Variants in ZNF704 observed in about 807,000 individuals in gnomAD.
ZNF704 encodes the protein glucocorticoid induced gene 1.
A neutral mutation model predicts 44.7 loss-of-function variants in ZNF704; 10 were observed. The observed-to-expected ratio is 0.22, with a 90% CI of 0.14 to 0.38. The LOEUF is 0.38. ZNF704 is among the 10% of genes least tolerant of loss of function. ZNF704 has a pLI of 1.00. For synonymous variants in ZNF704, 211 were observed against 207.6 expected (o/e 1.02, Z -0.14); for missense variants, 390 against 545.5 (o/e 0.71, Z 2.84).
At chr8:80,677,295 T>C (rs1818383827) in intron 4 of ZNF704, among the ~76,000 whole-genome samples, 1 of 152,256 alleles carries the variant, frequency 6.6e-6, no homozygotes, top group Admixed American at 6.5e-5. Context: ...ACAAGATTAC[T>C]GTTCGTCCTT....
chr8:80,860,543 C>G (rs1024010919), intron 1 of ZNF704, among the ~76,000 whole-genome samples: 15 of 152,050 alleles, frequency 9.9e-5, no homozygotes, highest in Non-Finnish European at 2.9e-5. Context: ...GAAAAAATAC[C>G]AAATATTTTT....
chr8:80,676,520 T>C (rs1322779356), intron 4 of ZNF704, among the ~76,000 whole-genome samples: 2 of 152,098 alleles, frequency 1.3e-5, no homozygotes, highest in Non-Finnish European at 2.9e-5. Context: ...ATTTGCTAAT[T>C]TGGTGGAGAA....
At chr8:80,712,481 G>A (rs1232356349) in intron 2 of ZNF704, among the ~76,000 whole-genome samples, 1 of 152,134 alleles carries the variant, frequency 6.6e-6, no homozygotes, top group Admixed American at 6.5e-5. Flanking sequence ...GAGACGGAGG[G>A]AAAGTGGAAA....
intron 2 of ZNF704, among the ~76,000 whole-genome samples, chr8:80,792,808 A>G (rs894005227): frequency 2.6e-5 from 4 of 152,278 alleles, no homozygotes; most frequent in African/African-American, 7.2e-5. Context: ...TGCAACAATC[A>G]TATGTGCTCA....
At chr8:80,732,952 T>TAAAAA (rs59640222) in intron 2 of ZNF704, among the ~76,000 whole-genome samples, 1 of 78,658 alleles carries the variant, frequency 1.3e-5, no homozygotes, top group Non-Finnish European at 2.6e-5. Flanking sequence ...AGACCTTGCC[T>TAAAAA]AAAAAAAAAA....
intron 2 of ZNF704, among the ~76,000 whole-genome samples, chr8:80,696,418 T>A (rs1311501947): frequency 6.6e-6 from 1 of 151,934 alleles, no homozygotes; most frequent in East Asian, 1.9e-4. Flanking sequence ...GGATTTCAGA[T>A]TTTTTTTGTT....
chr8:80,663,392 T>A (rs948559919), intron 6 of ZNF704, among the ~76,000 whole-genome samples: 20 of 151,004 alleles, frequency 1.3e-4, no homozygotes, highest in African/African-American at 4.6e-4. Context: ...AAGTAACTTC[T>A]GGCAGGAAAA....
intron 2 of ZNF704, among the ~76,000 whole-genome samples, chr8:80,760,513 G>A (rs553639701): frequency 1.1e-4 from 17 of 151,918 alleles, no homozygotes; most frequent in South Asian, 2.1e-4. Context: ...AAAATTGGCT[G>A]GGTGTGGTGG....
intron 2 of ZNF704, among the ~76,000 whole-genome samples, chr8:80,819,076 T>C (rs1257689654): frequency 6.6e-6 from 1 of 152,134 alleles, no homozygotes. Flanking sequence ...AGTATATTAG[T>C]AGATACCCCA....
At chr8:80,712,711 G>C (rs556611737) in intron 2 of ZNF704, among the ~76,000 whole-genome samples, 1 of 151,646 alleles carries the variant, frequency 6.6e-6, no homozygotes, top group South Asian at 2.1e-4. Flanking sequence ...AAAATGTGAG[G>C]TAATGAATAA....
intron 1 of ZNF704, among the ~76,000 whole-genome samples, chr8:80,846,315 T>C (rs1808766261): frequency 6.6e-6 from 1 of 152,112 alleles, no homozygotes; most frequent in African/African-American, 2.4e-5. Context: ...CCTTAAGACA[T>C]AATTGATATT....
rs759105831 is a variant in ZNF704 at position 80,659,697 on chromosome 8, A to T, written c.928-8T>A. 3 of 1,611,440 alleles carry T rather than the reference A, an allele frequency of 1.9e-6. No homozygotes were observed. The highest frequency in any genetic ancestry group is 2.5e-6 in the Non-Finnish European group (3 of 1,177,978). On this transcript the variant is annotated splice_polypyrimidine_tract_variant and splice_region_variant and intron_variant, in intron 6 of 8. Coordinates refer to ENST00000327835, the MANE Select transcript of ZNF704 (RefSeq NM_001033723.3). ...GGTCACAGGGGGTGTGGCCTGTCAA[A>T]TAAAAAACAGAGAAAGCTGTTATGA...
At chr8:80,767,941 C>T (rs994344746) in intron 2 of ZNF704, among the ~76,000 whole-genome samples, 2 of 152,106 alleles carry the variant, frequency 1.3e-5, no homozygotes, top group African/African-American at 4.8e-5. Flanking sequence ...AAACAGGCTT[C>T]CCTGAGGTTT....
intron 6 of ZNF704, among the ~76,000 whole-genome samples, chr8:80,662,125 GA>G (rs1818111383): frequency 6.6e-6 from 1 of 152,074 alleles, no homozygotes; most frequent in African/African-American, 2.4e-5. Flanking sequence ...ATTGGCATGG[GA>G]AAATGTTCAT....
chr8:80,863,300 A>C (rs1316213272), intron 1 of ZNF704, among the ~76,000 whole-genome samples: 1 of 152,226 alleles, frequency 6.6e-6, no homozygotes, highest in Non-Finnish European at 1.5e-5. Context: ...TGAGTTGCAA[A>C]GCATGCACAA....
Position 80,629,259 on chromosome 8 carries a change from C to T in ZNF704, c.*12107G>A, listed in dbSNP as rs1286536512. ...CCTGAACCTCCACAGGCTGTATTTACAGTCAGACAGGTATTCAGAAATGTG... is the reference window on the plus strand; with the variant it reads ...CCTGAACCTCCACAGGCTGTATTTATAGTCAGACAGGTATTCAGAAATGTG... On this transcript the variant is annotated 3_prime_UTR_variant, in exon 9 of 9. Coordinates refer to ENST00000327835, the MANE Select transcript of ZNF704 (RefSeq NM_001033723.3). 1 of 152,226 alleles carries T rather than the reference C, an allele frequency of 6.6e-6. No homozygotes were observed. Among genetic ancestry groups the T allele is most frequent in the Non-Finnish European group, 1.5e-5 (1 of 68,052 alleles). The allele number at this position is 152,226 out of a possible 1,614,324, so 9.4% of individuals were successfully genotyped here.
At chr8:80,651,924 A>T (rs551558958) in intron 7 of ZNF704, among the ~76,000 whole-genome samples, 7,303 of 151,922 alleles carry the variant, frequency 0.048, 213 homozygotes, top group Middle Eastern at 0.092. Context: ...GAAGTAAAGC[A>T]CTCCTCAGCA....
At position 80,630,577 on chromosome 8, in the gene ZNF704, G is replaced by A. The variant is rs1817567288; in HGVS notation, c.*10789C>T. ...CCTTAAACATTGTCATGGACTAAGGGCAACAGAGGTTTTGTGATTACTGTT... is the reference window on the plus strand; with the variant it reads ...CCTTAAACATTGTCATGGACTAAGGACAACAGAGGTTTTGTGATTACTGTT... On this transcript the variant is annotated 3_prime_UTR_variant, in exon 9 of 9. Coordinates refer to ENST00000327835, the MANE Select transcript of ZNF704 (RefSeq NM_001033723.3). 1 of 152,130 alleles carries A rather than the reference G, an allele frequency of 6.6e-6. No homozygotes were observed. The highest frequency in any genetic ancestry group is 6.5e-5 in the Admixed American group (1 of 15,274). 9.4% of individuals were successfully genotyped at this position (152,130 alleles called of 1,614,324 possible).
chr8:80,671,274 C>G (rs1026425177), intron 4 of ZNF704, among the ~76,000 whole-genome samples: 2 of 152,182 alleles, frequency 1.3e-5, no homozygotes, highest in African/African-American at 4.8e-5. Context: ...ACCATAGGTA[C>G]ATGCCACCAT....
Sources: allele counts gnomAD v4.1 joint callset (sites outside exome capture counted in the v4.1 genomes callset), GRCh38; gene constraint gnomAD v4.1.1; transcripts MANE v1.5; gene names NCBI Gene and HGNC (gene_info 2026-07-23, HGNC 2026-07-21).